Variants in DAB1 observed in about 807,000 individuals in gnomAD.
DAB1 encodes disabled homolog 1.
A neutral mutation model predicts 64.6 loss-of-function variants in DAB1; 15 were observed. That is an observed-to-expected ratio of 0.23 (90% CI 0.16 to 0.36). DAB1 has a LOEUF of 0.36. Ranked by LOEUF, DAB1 falls within the 10% of genes least tolerant of loss-of-function variation. DAB1 has a pLI of 1.00. For synonymous variants in DAB1, 235 were observed against 251.9 expected, an observed-to-expected ratio of 0.93 and a Z score of 0.64; for missense variants, 596 against 706.7, an observed-to-expected ratio of 0.84 and a Z score of 1.78.
intron 7 of DAB1, among the ~76,000 whole-genome samples, chr1:57,544,853 C>T (rs6587772): frequency 0.4 from 61,428 of 152,154 alleles, 14,352 homozygotes; most frequent in Non-Finnish European, 0.53. Context: ...TCCCTTTCCA[C>T]CCGTGATTGT....
At chr1:57,801,404 C>T (rs1651117727) in intron 6 of DAB1, among the ~76,000 whole-genome samples, 1 of 152,186 alleles carries the variant, frequency 6.6e-6, no homozygotes, top group Non-Finnish European at 1.5e-5. Context: ...AACACAGAGC[C>T]TCTTCTTTTT....
At chr1:57,011,050 T>C (rs1324087511) in intron 13 of DAB1, 95 bp downstream of exon 13, 1 of 1,497,102 alleles carries the variant, frequency 6.7e-7, no homozygotes, top group African/African-American at 1.4e-5. Context: ...GCCAGCATTC[T>C]TTTCTATGTA....
intron 7 of DAB1, among the ~76,000 whole-genome samples, chr1:57,604,646 T>C (rs964749046): frequency 3.3e-5 from 5 of 152,190 alleles, no homozygotes; most frequent in African/African-American, 1.2e-4. Context: ...GATGTCACAT[T>C]AGAGAACTCC....
intron 5 of DAB1, among the ~76,000 whole-genome samples, chr1:57,985,971 T>C (rs995816045): frequency 3.3e-5 from 5 of 152,190 alleles, no homozygotes; most frequent in African/African-American, 1.2e-4. Flanking sequence ...TTATCCTTTC[T>C]TTTTATAGAT....
chr1:57,291,776 G>A (rs866199719), intron 1 of DAB1, among the ~76,000 whole-genome samples: 1 of 152,154 alleles, frequency 6.6e-6, no homozygotes, highest in South Asian at 2.1e-4. Flanking sequence ...AAAGAAACAG[G>A]CAGACACAGA....
chr1:57,475,224 C>T (rs576354067), intron 7 of DAB1, among the ~76,000 whole-genome samples: 1 of 152,280 alleles, frequency 6.6e-6, no homozygotes, highest in East Asian at 1.9e-4. Context: ...TTGCAGTGAG[C>T]TGATATCATG....
chr1:57,834,579 G>A (rs1557506948), intron 1 of DAB1, among the ~76,000 whole-genome samples: 1 of 151,568 alleles, frequency 6.6e-6, no homozygotes, highest in Non-Finnish European at 1.5e-5. Context: ...TTTTATATAT[G>A]CACACAGTTT....
At chr1:57,037,504 G>A (rs888313735) in intron 9 of DAB1, among the ~76,000 whole-genome samples, 6 of 152,114 alleles carry the variant, frequency 3.9e-5, no homozygotes, top group Non-Finnish European at 5.9e-5. Context: ...AACACAAAAC[G>A]AAACAAAAAT....
Position 58,141,384 on chromosome 1 carries a change from G to A in DAB1, n.387+9127C>T, listed in dbSNP as rs1050140872. Among the ~76,000 whole-genome samples, 9 of 151,996 alleles carry A rather than the reference G, an allele frequency of 5.9e-5. No homozygotes were observed. In the South Asian group the frequency reaches 1.2e-3, roughly 21 times the overall value. On this transcript the variant is annotated intron_variant and non_coding_transcript_variant, in intron 5 of 20. Transcript: ENST00000485760. ...TCTCGTGAGACTTATTCACTATCACGAGAACAGCATGGGAAAAACCTGCCC... is the reference window on the plus strand; with the variant it reads ...TCTCGTGAGACTTATTCACTATCACAAGAACAGCATGGGAAAAACCTGCCC...
intron 2 of DAB1, among the ~76,000 whole-genome samples, chr1:58,510,419 A>C (rs1646055312): frequency 6.6e-6 from 1 of 152,252 alleles, no homozygotes; most frequent in Middle Eastern, 3.4e-3. Context: ...TGACAAAATT[A>C]AACATCCTTT....
intron 7 of DAB1, among the ~76,000 whole-genome samples, chr1:57,624,108 T>C (rs1018270026): frequency 6.6e-6 from 1 of 152,186 alleles, no homozygotes; most frequent in Non-Finnish European, 1.5e-5. Flanking sequence ...ACCCACAGGT[T>C]TGTTGTCAGA....
At chr1:57,199,267 A>G (rs1328479282) in intron 2 of DAB1, among the ~76,000 whole-genome samples, 1 of 152,200 alleles carries the variant, frequency 6.6e-6, no homozygotes, top group Non-Finnish European at 1.5e-5. Flanking sequence ...TTTCTAATTA[A>G]TAATTTATTT....
At chr1:57,441,634 G>A (rs766251761) in intron 7 of DAB1, among the ~76,000 whole-genome samples, 13 of 152,082 alleles carry the variant, frequency 8.5e-5, no homozygotes, top group East Asian at 7.7e-4. Flanking sequence ...GATTACAGGC[G>A]TGAGTCACCA....
chr1:58,262,658 A>G (rs530694502), intron 4 of DAB1, among the ~76,000 whole-genome samples: 39 of 152,266 alleles, frequency 2.6e-4, no homozygotes, highest in African/African-American at 9.1e-4. Flanking sequence ...ATAATAAATA[A>G]CATCTTCCTA....
At chr1:57,026,626 C>G (rs1459309135) in intron 9 of DAB1, among the ~76,000 whole-genome samples, 1 of 152,188 alleles carries the variant, frequency 6.6e-6, no homozygotes, top group Admixed American at 6.5e-5. Flanking sequence ...TCAAACAGCA[C>G]TCTCTGAAAG....
chr1:57,040,979 C>G (rs551442731), intron 9 of DAB1, among the ~76,000 whole-genome samples: 1 of 152,104 alleles, frequency 6.6e-6, no homozygotes, highest in African/African-American at 2.4e-5. Context: ...GTTACCACTG[C>G]GGTCCAGATG....
At chr1:58,106,652 T>G (rs1651656916) in intron 5 of DAB1, among the ~76,000 whole-genome samples, 1 of 152,198 alleles carries the variant, frequency 6.6e-6, no homozygotes, top group African/African-American at 2.4e-5. Context: ...TTGGATCCCG[T>G]GCTCCTTCTC....
chr1:57,126,094 C>T (rs889152161), intron 4 of DAB1, among the ~76,000 whole-genome samples: 3 of 152,146 alleles, frequency 2.0e-5, no homozygotes, highest in East Asian at 1.9e-4. Flanking sequence ...TCTTTCATAT[C>T]GCAAATAGAA....
At chr1:58,301,237 G>C (rs533335251) in intron 4 of DAB1, among the ~76,000 whole-genome samples, 33 of 148,902 alleles carry the variant, frequency 2.2e-4, no homozygotes, top group African/African-American at 7.7e-4. Flanking sequence ...GGTGGAGAGG[G>C]GGGGGTCATG....
Sources: allele counts gnomAD v4.1 joint callset (sites outside exome capture counted in the v4.1 genomes callset), GRCh38; gene constraint gnomAD v4.1.1; transcripts MANE v1.5; gene names NCBI Gene and HGNC (gene_info 2026-07-23, HGNC 2026-07-21).